DNAJC7: variants seen among roughly 807,000 people sequenced by gnomAD.
DNAJC7 encodes DnaJ heat shock protein family (Hsp40) member C7.
Under a neutral mutation model 67.4 loss-of-function variants are expected in DNAJC7, and 18 were observed. The ratio of observed to expected loss-of-function variants is 0.27; its 90% CI spans 0.18 to 0.40. DNAJC7 has a LOEUF of 0.40. DNAJC7 is among the 10% of genes least tolerant of loss of function. DNAJC7 has a pLI of 1.00. For synonymous variants in DNAJC7, 220 were observed against 207.8 expected, an observed-to-expected ratio of 1.06 and a Z score of -0.50; for missense variants, 419 against 613.8, an observed-to-expected ratio of 0.68 and a Z score of 3.35.
chr17:41,992,981 C>G (rs2051549047), intron 5 of DNAJC7, among the ~76,000 whole-genome samples: 1 of 152,212 alleles, frequency 6.6e-6, no homozygotes, highest in African/African-American at 2.4e-5. Flanking sequence ...CAAACACACA[C>G]ATGCCAAACA....
intron 5 of DNAJC7, among the ~76,000 whole-genome samples, chr17:41,993,056 G>A (rs782475745): frequency 6.6e-6 from 1 of 152,202 alleles, no homozygotes; most frequent in Non-Finnish European, 1.5e-5. Context: ...ACAGAAGAGG[G>A]ATGCTAATAA....
intron 1 of DNAJC7, among the ~76,000 whole-genome samples, chr17:42,007,854 T>C (rs1162284896): frequency 6.9e-6 from 1 of 144,052 alleles, no homozygotes; most frequent in East Asian, 2.0e-4. Context: ...TTTTTTTTTT[T>C]TTTTTTTTGA....
intron 3 of DNAJC7, 121 bp downstream of exon 3, chr17:41,996,994 C>A: frequency 6.8e-7 from 1 of 1,478,976 alleles, no homozygotes; most frequent in Non-Finnish European, 9.2e-7. Flanking sequence ...CAGTAAAGTC[C>A]CCCACAACAA....
At chr17:42,015,573 A>G (rs1471909265) in intron 1 of DNAJC7, 9 of 151,956 alleles carry the variant, frequency 5.9e-5, no homozygotes, top group Admixed American at 3.9e-4. Context: ...AGCCCGGCAC[A>G]GTAGCTCACG....
At chr17:42,003,110 T>A (rs1289736853) in intron 1 of DNAJC7, among the ~76,000 whole-genome samples, 2 of 152,228 alleles carry the variant, frequency 1.3e-5, no homozygotes, top group African/African-American at 4.8e-5. Context: ...CAAGTTGCCA[T>A]GTTTTTAACC....
chr17:41,990,707 C>G (rs1470491220), intron 5 of DNAJC7, among the ~76,000 whole-genome samples: 1 of 150,902 alleles, frequency 6.6e-6, no homozygotes, highest in Non-Finnish European at 1.5e-5. Flanking sequence ...CACTCTGTCA[C>G]CCAGGCTGGA....
At chr17:41,981,784 G>T in intron 12 of DNAJC7, 71 bp downstream of exon 12, 1 of 1,576,154 alleles carries the variant, frequency 6.3e-7, no homozygotes, top group Non-Finnish European at 8.6e-7. Flanking sequence ...TCTCCCTCTG[G>T]AGCATCTTTG....
chr17:42,001,352 A>T (rs1347411061), intron 1 of DNAJC7, among the ~76,000 whole-genome samples: 1 of 151,988 alleles, frequency 6.6e-6, no homozygotes, highest in Non-Finnish European at 1.5e-5. Flanking sequence ...TACCTCTAAG[A>T]TCTATTTTTT....
Position 42,017,321 on chromosome 17 carries a change from T to C in DNAJC7, c.77+19A>G, listed in dbSNP as rs782176524. ...CGGAGCTGCAGGTCGCCTCCTCTAC[T>C]ACCCTGCTACCCGGTTACCTCTTCG... On this transcript the variant is annotated intron_variant, in intron 1 of 13. Transcript: ENST00000457167. 2 of 1,611,198 alleles carry C rather than the reference T, an allele frequency of 1.2e-6. No homozygotes were observed. Among genetic ancestry groups the C allele is most frequent in the South Asian group, 1.1e-5 (1 of 91,086 alleles).
chr17:41,994,833 A>C (rs781969635), intron 5 of DNAJC7, 37 bp downstream of exon 5: 3 of 1,596,614 alleles, frequency 1.9e-6, no homozygotes, highest in African/African-American at 2.7e-5. Context: ...ATTTTGCGAC[A>C]AAGAGCAGAT....
rs781835706 is a variant in DNAJC7, at chr17:42,017,437, G to C, written c.-21C>G. 2 of 1,604,390 alleles carry C rather than the reference G, an allele frequency of 1.2e-6. No homozygotes were observed. Among genetic ancestry groups the C allele is most frequent in the South Asian group, 2.2e-5 (2 of 91,080 alleles). On this transcript the variant is annotated 5_prime_UTR_variant, in exon 1 of 14. Coordinates refer to ENST00000457167, the MANE Select transcript of DNAJC7 (RefSeq NM_003315.4). ...GCCATCTTACCGCCGGGACCAGAGA[G>C]CTGGGTGGGAGGCCGGCGGTGAAGA...
At chr17:41,997,852 C>A (rs111334055) in intron 2 of DNAJC7, among the ~76,000 whole-genome samples, 3 of 152,160 alleles carry the variant, frequency 2.0e-5, no homozygotes, top group African/African-American at 7.2e-5. Flanking sequence ...CCACGCCTGG[C>A]TAATTTCTGT....
chr17:42,000,703 T>C (rs1555649409), intron 1 of DNAJC7, 133 bp from the exon 2 acceptor site: 1 of 633,744 alleles, frequency 1.6e-6, no homozygotes. Flanking sequence ...GAAGGATTTA[T>C]AGATTTGTTG....
intron 1 of DNAJC7, among the ~76,000 whole-genome samples, chr17:42,009,909 C>A (rs2052071510): frequency 6.6e-6 from 1 of 152,088 alleles, no homozygotes; most frequent in Non-Finnish European, 1.5e-5. Context: ...CTTGGGAGGC[C>A]GAGGCGGGCA....
chr17:42,009,997 C>T (rs1470083015), intron 1 of DNAJC7, among the ~76,000 whole-genome samples: 1 of 151,888 alleles, frequency 6.6e-6, no homozygotes. Context: ...AAAAAATTAG[C>T]TGGGCATGGT....
chr17:41,994,043 CAA>C (rs1159653783), intron 5 of DNAJC7, among the ~76,000 whole-genome samples: 6 of 100,654 alleles, frequency 6.0e-5, no homozygotes, highest in Admixed American at 1.1e-4. Flanking sequence ...AACTCTCTCT[CAA>C]AAAAAAAAAA....
chr17:41,987,972 G>A (rs547577224), intron 8 of DNAJC7, 62 bp from the exon 9 acceptor site: 2 of 1,402,818 alleles, frequency 1.4e-6, no homozygotes, highest in Admixed American at 1.9e-5. Flanking sequence ...CCCAGAAGCT[G>A]TGAGCATGGC....
In DNAJC7 at chr17:41,976,671, T is replaced by C. The variant is rs2051089245; in HGVS notation, c.*62A>G. On this transcript the variant is annotated 3_prime_UTR_variant, in exon 14 of 14. Coordinates refer to ENST00000457167, the MANE Select transcript of DNAJC7 (RefSeq NM_003315.4). ...TGATGAAGGGAGGAGGTGAACTGTTTCCACATTCAAGATTAAACTGAGTGA... is the reference window on the plus strand; with the variant it reads ...TGATGAAGGGAGGAGGTGAACTGTTCCCACATTCAAGATTAAACTGAGTGA... 2 of 1,592,316 alleles carry C rather than the reference T, an allele frequency of 1.3e-6. No individual in the cohort carries two copies. Among genetic ancestry groups the C allele is most frequent in the Non-Finnish European group, 1.7e-6 (2 of 1,170,524 alleles).
chr17:41,989,576 G>T lies in DNAJC7; in HGVS notation c.600-19C>A. 6.2e-7 allele frequency: 1 copy of T among 1,612,462 alleles called. No homozygotes were observed. The highest frequency in any genetic ancestry group is 8.5e-7 in the Non-Finnish European group (1 of 1,179,170). On this transcript the variant is annotated intron_variant, in intron 6 of 13. Coordinates refer to ENST00000457167, the MANE Select transcript of DNAJC7 (RefSeq NM_003315.4). ...AATGTCACTGCAATAGTCAGAAAAG[G>T]GCACATTGAGCTGTGCTTTAGAATG...
Sources: gnomAD v4.1 joint callset for allele counts (sites outside exome capture counted in the v4.1 genomes callset) on GRCh38, gnomAD v4.1.1 for gene constraint, MANE v1.5 for transcripts, NCBI Gene and HGNC (gene_info 2026-07-23, HGNC 2026-07-21) for gene names.